DENND5B: variants seen among roughly 807,000 people sequenced by gnomAD.
DENND5B encodes the protein DENN domain-containing protein 5B.
DENND5B carries 34 observed loss-of-function variants against 140.6 expected under a neutral mutation model. The ratio of observed to expected loss-of-function variants is 0.24; its 90% CI spans 0.18 to 0.32. DENND5B has a LOEUF of 0.32. DENND5B is among the 10% of genes least tolerant of loss of function. The pLI, the probability that DENND5B is intolerant of heterozygous loss-of-function variation, is 1.00. For missense variants in DENND5B, 1,142 were observed against 1,560.2 expected (o/e 0.73, Z 4.52); for synonymous variants, 551 against 562.1 (o/e 0.98, Z 0.28).
chr12:31,558,752 C>T (rs1034607378), intron 1 of DENND5B, among the ~76,000 whole-genome samples: 15 of 152,158 alleles, frequency 9.9e-5, no homozygotes, highest in Non-Finnish European at 1.8e-4. Context: ...AAACATGAAT[C>T]AATCTCATGA....
At chr12:31,407,690 C>T (rs566274933) in intron 14 of DENND5B, among the ~76,000 whole-genome samples, 1 of 152,278 alleles carries the variant, frequency 6.6e-6, no homozygotes, top group South Asian at 2.1e-4. Flanking sequence ...CTCCTTCCTG[C>T]TGGAAGGTAT....
intron 1 of DENND5B, among the ~76,000 whole-genome samples, chr12:31,568,232 T>A (rs752159335): frequency 6.6e-6 from 1 of 152,250 alleles, no homozygotes; most frequent in African/African-American, 2.4e-5. Flanking sequence ...ATAAGGTACA[T>A]ATGAAATATA....
chr12:31,488,569 A>T (rs1440855327), intron 2 of DENND5B, among the ~76,000 whole-genome samples: 1 of 152,196 alleles, frequency 6.6e-6, no homozygotes, highest in Admixed American at 6.5e-5. Context: ...CTCTTCCAAC[A>T]AATCAAAAAA....
rs75742545 is a variant in DENND5B, at chr12:31,416,275, T to A, written c.2471-827A>T. 4.9e-3 allele frequency among the ~76,000 whole-genome samples: 742 copies of A among 152,030 alleles called. 4 individuals carry two copies. The highest frequency in any genetic ancestry group is 0.011 in the African/African-American group (462 of 41,466). ...GCACTTTTTTTTGTATTTTTTTTTT[T>A]AAATATAGTCTTGCTCTGTTGCTCT... is the stretch of plus-strand genomic sequence containing the variant. On this transcript the variant is annotated intron_variant, in intron 11 of 20. Coordinates refer to ENST00000389082, the MANE Select transcript of DENND5B (RefSeq NM_144973.4).
intron 3 of DENND5B, among the ~76,000 whole-genome samples, chr12:31,469,346 A>AAAAG (rs769930524): frequency 0.32 from 40,720 of 128,796 alleles, 7,691 homozygotes; most frequent in East Asian, 0.53. Context: ...AAAAAAAAAA[A>AAAAG]AAGAAGAAGA....
At chr12:31,411,635 G>A (rs1942468242) in intron 13 of DENND5B, among the ~76,000 whole-genome samples, 3 of 151,650 alleles carry the variant, frequency 2.0e-5, no homozygotes, top group African/African-American at 7.3e-5. Flanking sequence ...GAGCCACTGC[G>A]CCCAGCCAAT....
At chr12:31,576,506 A>C (rs1592082966) in intron 1 of DENND5B, among the ~76,000 whole-genome samples, 2 of 151,874 alleles carry the variant, frequency 1.3e-5, no homozygotes, top group East Asian at 3.9e-4. Context: ...GAAAAGAGAG[A>C]AAGAAAAGAA....
chr12:31,458,246 A>G (rs982002193), intron 4 of DENND5B, among the ~76,000 whole-genome samples: 1 of 152,232 alleles, frequency 6.6e-6, no homozygotes, highest in Non-Finnish European at 1.5e-5. Context: ...GCTGCCATTT[A>G]AAAATCTCTC....
intron 1 of DENND5B, 80 bp from the exon 2 acceptor site, chr12:31,495,999 C>T (rs756040469): frequency 1.1e-6 from 1 of 945,264 alleles, no homozygotes. Context: ...TATAGTCCTA[C>T]TACTGACTGA....
chr12:31,490,063 GGTGA>G (rs1160755013), intron 2 of DENND5B, among the ~76,000 whole-genome samples: 6 of 152,144 alleles, frequency 3.9e-5, no homozygotes, highest in East Asian at 1.9e-4. Context: ...TATGGGAGAG[GGTGA>G]GTAAGTGAGA....
intron 15 of DENND5B, among the ~76,000 whole-genome samples, chr12:31,401,879 T>G (rs1941813460): frequency 6.6e-6 from 1 of 152,046 alleles, no homozygotes; most frequent in Non-Finnish European, 1.5e-5. Context: ...CTCACCTTGG[T>G]CTCCCAAAGT....
At chr12:31,544,700 A>C (rs1034124116) in intron 1 of DENND5B, among the ~76,000 whole-genome samples, 1 of 152,204 alleles carries the variant, frequency 6.6e-6, no homozygotes, top group Non-Finnish European at 1.5e-5. Context: ...ATCAAAAGGA[A>C]CACCACCAAA....
At chr12:31,422,942 CTTT>C (rs369745344) in intron 11 of DENND5B, among the ~76,000 whole-genome samples, 2 of 139,860 alleles carry the variant, frequency 1.4e-5, no homozygotes, top group Non-Finnish European at 3.1e-5. Flanking sequence ...GTTATAAAAA[CTTT>C]TTTTTTTTTT....
chr12:31,445,211 T>C (rs190283887), intron 6 of DENND5B, among the ~76,000 whole-genome samples: 16 of 152,316 alleles, frequency 1.1e-4, no homozygotes, highest in Admixed American at 3.3e-4. Flanking sequence ...AAAATAAGTG[T>C]GGACTAGTAC....
intron 1 of DENND5B, among the ~76,000 whole-genome samples, chr12:31,567,579 G>A (rs534524353): frequency 4.8e-4 from 68 of 141,596 alleles, no homozygotes; most frequent in African/African-American, 1.7e-3. Context: ...TTCAAATCTC[G>A]TCCCAGTTTA....
chr12:31,539,785 A>G (rs1011827469), intron 1 of DENND5B, among the ~76,000 whole-genome samples: 3 of 147,506 alleles, frequency 2.0e-5, no homozygotes, highest in African/African-American at 5.0e-5. Context: ...ACTGATGAGG[A>G]AAAAAAAAAA....
chr12:31,430,638 C>T (rs748028818), intron 8 of DENND5B, among the ~76,000 whole-genome samples: 80 of 151,794 alleles, frequency 5.3e-4, no homozygotes, highest in Non-Finnish European at 9.6e-4. Flanking sequence ...TCCAGCCTGG[C>T]GACAGAGGGA....
At chr12:31,400,274 G>C (rs891948367) in intron 15 of DENND5B, among the ~76,000 whole-genome samples, 1 of 151,948 alleles carries the variant, frequency 6.6e-6, no homozygotes, top group Non-Finnish European at 1.5e-5. Flanking sequence ...ATATTTATAG[G>C]GTACATGAGA....
Position 31,591,010 on chromosome 12 carries a change from AGCGGCCGCGGG to A in DENND5B, c.-189_-179del. 1 of 656,876 alleles carries A rather than the reference AGCGGCCGCGGG, an allele frequency of 1.5e-6. No individual in the cohort carries two copies. The highest frequency in any genetic ancestry group is 1.9e-6 in the Non-Finnish European group (1 of 526,978). 40.7% of individuals were successfully genotyped at this position (656,876 alleles called of 1,614,324 possible). A position where few individuals can be genotyped will look rare whatever the true frequency, so the allele number is the denominator to read the frequency against. ...CTGCCTCCTCGCTCGGCGCGGGGGA[AGCGGCCGCGGG>A]CTCGCGCGCGGCGGGTCCGGAGCCC... On this transcript the variant is annotated 5_prime_UTR_variant, in exon 1 of 21. Transcript: ENST00000389082.
Sources: gnomAD v4.1 joint callset for allele counts (sites outside exome capture counted in the v4.1 genomes callset) on GRCh38, gnomAD v4.1.1 for gene constraint, MANE v1.5 for transcripts, NCBI Gene and HGNC (gene_info 2026-07-23, HGNC 2026-07-21) for gene names.